Variants in CDKAL1 observed in about 807,000 individuals in gnomAD.
CDKAL1 encodes the protein threonylcarbamoyladenosine tRNA methylthiotransferase.
CDKAL1 carries 32 observed loss-of-function variants against 68.2 expected under a neutral mutation model. The observed-to-expected ratio is 0.47, with a 90% CI of 0.35 to 0.63. The LOEUF (loss-of-function observed/expected upper bound fraction) is 0.63, where lower values mean the gene tolerates loss of function less well. CDKAL1 is among the 30% of genes least tolerant of loss of function. CDKAL1 has a pLI of 0.00. For synonymous variants in CDKAL1, 234 were observed against 244.3 expected, an observed-to-expected ratio of 0.96 and a Z score of 0.39; for missense variants, 606 against 696.7, an observed-to-expected ratio of 0.87 and a Z score of 1.47.
chr6:20,591,466 C>T (rs1488396131), intron 4 of CDKAL1, among the ~76,000 whole-genome samples: 1 of 152,050 alleles, frequency 6.6e-6, no homozygotes, highest in Non-Finnish European at 1.5e-5. Context: ...AGGTTTTATT[C>T]TAGGGTTTTT....
intron 9 of CDKAL1, among the ~76,000 whole-genome samples, chr6:20,858,586 T>C (rs1044233266): frequency 6.6e-6 from 1 of 152,224 alleles, no homozygotes; most frequent in Non-Finnish European, 1.5e-5. Flanking sequence ...CTTTATTTCC[T>C]TGAGACAAGG....
intron 11 of CDKAL1, among the ~76,000 whole-genome samples, chr6:21,062,200 G>C (rs1338429623): frequency 1.3e-5 from 2 of 152,204 alleles, no homozygotes; most frequent in Non-Finnish European, 2.9e-5. Flanking sequence ...ATTCATAGCT[G>C]AGGACAATAA....
intron 9 of CDKAL1, among the ~76,000 whole-genome samples, chr6:20,915,132 T>C (rs1470446835): frequency 6.6e-6 from 1 of 151,724 alleles, no homozygotes; most frequent in Non-Finnish European, 1.5e-5. Flanking sequence ...TGTAAATTGG[T>C]TTATATGTTA....
chr6:20,715,358 T>G (rs879588344), intron 5 of CDKAL1, among the ~76,000 whole-genome samples: 5 of 152,210 alleles, frequency 3.3e-5, no homozygotes, highest in Admixed American at 2.6e-4. Context: ...TAGCCTAATA[T>G]CCTTCAGGCC....
chr6:20,750,511 C>G (rs1773869372), intron 6 of CDKAL1, among the ~76,000 whole-genome samples: 1 of 152,124 alleles, frequency 6.6e-6, no homozygotes, highest in African/African-American at 2.4e-5. Context: ...AGTTGAAGGG[C>G]ATTTTATGAT....
intron 8 of CDKAL1, among the ~76,000 whole-genome samples, chr6:20,797,029 G>C (rs1198356676): frequency 6.6e-6 from 1 of 152,098 alleles, no homozygotes; most frequent in Non-Finnish European, 1.5e-5. Flanking sequence ...ATAAAAGATG[G>C]ACTTAATCAA....
At chr6:20,606,301 GT>G (rs1381365639) in intron 4 of CDKAL1, among the ~76,000 whole-genome samples, 1 of 152,126 alleles carries the variant, frequency 6.6e-6, no homozygotes, top group Non-Finnish European at 1.5e-5. Context: ...AGAGCCTGTT[GT>G]TAGTTATTTA....
intron 5 of CDKAL1, among the ~76,000 whole-genome samples, chr6:20,697,182 C>T (rs1771144209): frequency 6.6e-6 from 1 of 152,106 alleles, no homozygotes. Context: ...TCCTGTAAAA[C>T]ATGACTGAAA....
At chr6:20,987,073 A>G (rs995463237) in intron 10 of CDKAL1, among the ~76,000 whole-genome samples, 5 of 152,112 alleles carry the variant, frequency 3.3e-5, no homozygotes, top group East Asian at 1.9e-4. Flanking sequence ...TGATTTGTCT[A>G]TAGTTGATTG....
chr6:20,893,832 C>G (rs919114104), intron 9 of CDKAL1, among the ~76,000 whole-genome samples: 1 of 152,010 alleles, frequency 6.6e-6, no homozygotes, highest in Non-Finnish European at 1.5e-5. Context: ...AGTAAGTGCA[C>G]AAGAACTCAC....
intron 11 of CDKAL1, among the ~76,000 whole-genome samples, chr6:21,011,879 T>C (rs1047859562): frequency 3.3e-5 from 5 of 152,294 alleles, no homozygotes; most frequent in African/African-American, 9.6e-5. Flanking sequence ...TTTGCATGCA[T>C]ATATATTTAT....
chr6:21,176,573 G>A (rs1777579897), intron 13 of CDKAL1, among the ~76,000 whole-genome samples: 1 of 152,088 alleles, frequency 6.6e-6, no homozygotes, highest in South Asian at 2.1e-4. Flanking sequence ...TGCACATGAA[G>A]GATAGTACAC....
rs143612422 is a variant in CDKAL1, at chr6:20,719,511, C to T, written c.372-20008C>T. Among the ~76,000 whole-genome samples, 683 of 152,248 alleles carry T rather than the reference C, an allele frequency of 4.5e-3. 4 individuals are homozygous for T. The highest frequency in any genetic ancestry group is 0.016 in the African/African-American group (645 of 41,530). ...CCACTTTCATGTGGGTTCTGAGATACATAGGAAGGTTGAAAAGACTTTAGA... is the reference window on the plus strand; with the variant it reads ...CCACTTTCATGTGGGTTCTGAGATATATAGGAAGGTTGAAAAGACTTTAGA... On this transcript the variant is annotated intron_variant, in intron 5 of 15. Transcript: ENST00000274695.
At chr6:20,680,028 T>C (rs1770304084) in intron 5 of CDKAL1, among the ~76,000 whole-genome samples, 1 of 152,084 alleles carries the variant, frequency 6.6e-6, no homozygotes, top group South Asian at 2.1e-4. Flanking sequence ...CTTTTTTGCT[T>C]TCTGATTCCA....
chr6:20,599,553 T>C (rs1765992168), intron 4 of CDKAL1, among the ~76,000 whole-genome samples: 1 of 152,202 alleles, frequency 6.6e-6, no homozygotes, highest in African/African-American at 2.4e-5. Context: ...CAAAGGAGTT[T>C]TGGCAAAATT....
At position 20,902,456 on chromosome 6, in the gene CDKAL1, A is replaced by G. The variant is rs552078287; in HGVS notation, c.743-52963A>G. ...TTCCCAGGTTTATGGATAAGGTACA[A>G]TGTACTGAACATGGAAGACTGGAAG... On this transcript the variant is annotated intron_variant, in intron 9 of 15. Coordinates refer to ENST00000274695, the MANE Select transcript of CDKAL1 (RefSeq NM_017774.3). Among the ~76,000 whole-genome samples, 20 of 152,274 alleles carry G rather than the reference A, an allele frequency of 1.3e-4. No homozygotes were observed. In the South Asian group the frequency reaches 3.1e-3, roughly 24 times the overall value.
chr6:21,191,992 C>CTTTT lies in CDKAL1; in HGVS notation c.1300-5992_1300-5989dup, dbSNP rs145894251. On this transcript the variant is annotated intron_variant, in intron 13 of 15. Coordinates refer to ENST00000274695, the MANE Select transcript of CDKAL1 (RefSeq NM_017774.3). ...AGGAATATTTTTATAATTCATTTTTCTTTTTTTTTTTTTTTTTTTTTTTTT... is the reference window on the plus strand; with the variant it reads ...AGGAATATTTTTATAATTCATTTTTCTTTTTTTTTTTTTTTTTTTTTTTTTTTTT... Among the ~76,000 whole-genome samples, 144 of 34,536 alleles carry CTTTT rather than the reference C, an allele frequency of 4.2e-3. 44 individuals carry two copies. Among genetic ancestry groups the CTTTT allele is most frequent in the East Asian group, 0.017 (16 of 958 alleles). 22.7% of individuals were successfully genotyped at this position (34,536 alleles called of 152,430 possible). A position where few individuals can be genotyped will look rare whatever the true frequency, so the allele number is the denominator to read the frequency against.
In CDKAL1 at chr6:21,042,747, C is replaced by T. The variant is rs557265967; in HGVS notation, c.1056-22301C>T. On this transcript the variant is annotated intron_variant, in intron 11 of 15. Transcript: ENST00000274695. ...TTCCAGAATCATCTTACTGATGTAC[C>T]GCTTCAAACGTTTTCCTCCCCACAA... Among the ~76,000 whole-genome samples, 14 of 152,156 alleles carry T rather than the reference C, an allele frequency of 9.2e-5. No individual in the cohort carries two copies. In the South Asian group the frequency reaches 1.0e-3, roughly 11 times the overall value.
intron 9 of CDKAL1, among the ~76,000 whole-genome samples, chr6:20,881,900 T>C (rs1222174801): frequency 6.6e-6 from 1 of 152,194 alleles, no homozygotes; most frequent in Non-Finnish European, 1.5e-5. Context: ...TTACACCACG[T>C]ACCAAAATTT....
Sources: gnomAD v4.1 joint callset for allele counts (sites outside exome capture counted in the v4.1 genomes callset) on GRCh38, gnomAD v4.1.1 for gene constraint, MANE v1.5 for transcripts, NCBI Gene and HGNC (gene_info 2026-07-23, HGNC 2026-07-21) for gene names.